The following ELN variants were observed in gnomAD, a reference collection of about 807,000 sequenced individuals.
ELN encodes elastin, also known as tropoelastin.
ELN carries 65 observed loss-of-function variants against 105.8 expected under a neutral mutation model. The observed-to-expected ratio is 0.61, with a 90% CI of 0.50 to 0.75. The LOEUF is 0.75. Ranked by LOEUF, ELN falls within the 30% of genes least tolerant of loss-of-function variation. The pLI, the probability that ELN is intolerant of heterozygous loss-of-function variation, is 0.00. For missense variants in ELN, 882 were observed against 969.4 expected (o/e 0.91, Z 1.20); for synonymous variants, 368 against 389.2 (o/e 0.95, Z 0.64).
chr7:74,039,317 C>T (rs538854067), intron 4 of ELN, among the ~76,000 whole-genome samples: 1 of 152,316 alleles, frequency 6.6e-6, no homozygotes, highest in Non-Finnish European at 1.5e-5. Context: ...GCATCTCCTT[C>T]TGATAAAAAG....
rs11760714 is a variant in ELN at position 74,068,371 on chromosome 7, A to G, written c.2132-286A>G. On this transcript the variant is annotated intron_variant, in intron 32 of 32. Transcript: ENST00000252034. ...CCCGAAAGGCTTCTTGGAGCAGTGGAGCCAGGAGCCAGTGCCAGGCCCCGT... is the reference window on the plus strand; with the variant it reads ...CCCGAAAGGCTTCTTGGAGCAGTGGGGCCAGGAGCCAGTGCCAGGCCCCGT... Among the ~76,000 whole-genome samples the G allele has an allele frequency of 0.12, 17,646 of 152,206 alleles. 1,042 individuals are homozygous for G. Among genetic ancestry groups the G allele is most frequent in the African/African-American group, 0.13 (5,496 of 41,538 alleles).
At chr7:74,042,924 C>A in intron 6 of ELN, 60 bp from the exon 7 acceptor site, 1 of 1,612,974 alleles carries the variant, frequency 6.2e-7, no homozygotes, top group Non-Finnish European at 8.5e-7. Flanking sequence ...CATGCAGCCC[C>A]GGGCCCTTCT....
intron 19 of ELN, 103 bp from the exon 20 acceptor site, chr7:74,056,167 TG>T (rs1440170373): frequency 2.0e-6 from 3 of 1,478,986 alleles, no homozygotes; most frequent in Non-Finnish European, 1.9e-6. Flanking sequence ...GGACAAGGCC[TG>T]GGGGAAATTT....
intron 10 of ELN, among the ~76,000 whole-genome samples, chr7:74,045,524 A>G (rs1452097739): frequency 2.0e-5 from 3 of 152,108 alleles, no homozygotes; most frequent in Admixed American, 2.0e-4. Flanking sequence ...GGATCGCTTG[A>G]GCCCAGGAGT....
At chr7:74,068,293 C>G (rs782477164) in intron 32 of ELN, among the ~76,000 whole-genome samples, 92 of 152,230 alleles carry the variant, frequency 6.0e-4, no homozygotes, top group Admixed American at 1.3e-3. Flanking sequence ...CTCCTGCAGA[C>G]ACTGACTCTC....
chr7:74,057,588 C>T, intron 21 of ELN, 52 bp from the exon 22 acceptor site: 1 of 1,608,420 alleles, frequency 6.2e-7, no homozygotes, highest in Middle Eastern at 1.7e-4. Context: ...AGATGGGAAG[C>T]AGGGAGGGGT....
rs541239396 is a variant in ELN, at chr7:74,046,499, C to T, written c.572-197C>T. ...CCAGGCCCCAGGAGGGAGAGAATCC[C>T]GTAGCTTCCTGGAGGAAGTGGCCTG... On this transcript the variant is annotated intron_variant, in intron 11 of 32. Coordinates refer to ENST00000252034, the MANE Select transcript of ELN (RefSeq NM_000501.4). Among the ~76,000 whole-genome samples the T allele has an allele frequency of 4.6e-5, 7 of 152,374 alleles. No homozygotes were observed. The East Asian group carries it at 1.3e-3, about 29-fold the overall frequency.
intron 29 of ELN, among the ~76,000 whole-genome samples, chr7:74,064,442 A>ATATATATG (rs1554687768): frequency 6.9e-6 from 1 of 145,912 alleles, no homozygotes; most frequent in Admixed American, 6.9e-5. Flanking sequence ...ATATATATAT[A>ATATATATG]TATGTATGTA....
At chr7:74,055,466 A>AT (rs1245890009) in intron 19 of ELN, among the ~76,000 whole-genome samples, 12 of 151,320 alleles carry the variant, frequency 7.9e-5, no homozygotes, top group Non-Finnish European at 1.2e-4. Flanking sequence ...AAAAATTTTA[A>AT]TTTTTTTTTC....
In ELN at chr7:74,063,835, G is replaced by C. The variant is rs1360622606; in HGVS notation, c.1993+140G>C. 5 of 1,175,468 alleles carry C rather than the reference G, an allele frequency of 4.3e-6. No homozygotes were observed. The highest frequency in any genetic ancestry group is 6.2e-6 in the Non-Finnish European group (5 of 804,172). 72.8% of individuals were successfully genotyped at this position (1,175,468 alleles called of 1,614,324 possible). On this transcript the variant is annotated intron_variant, in intron 29 of 32. Coordinates refer to ENST00000252034, the MANE Select transcript of ELN (RefSeq NM_000501.4). This position sits in a 1 kb window ranked among gnomAD's most constrained non-coding sequence, Gnocchi z 4.1. Reference sequence around the variant, plus strand: ...GATGTCCTCTTGGCCAGGTGCGGTGGCTCACGCCTGCAATCCCAGCACTCT... The same window carrying C: ...GATGTCCTCTTGGCCAGGTGCGGTGCCTCACGCCTGCAATCCCAGCACTCT...
At chr7:74,058,701 C>T (rs1411175017) in intron 22 of ELN, among the ~76,000 whole-genome samples, 1 of 152,090 alleles carries the variant, frequency 6.6e-6, no homozygotes, top group African/African-American at 2.4e-5. Context: ...TGAGGGCCAC[C>T]CTGGCAGCCC....
intron 1 of ELN, among the ~76,000 whole-genome samples, chr7:74,030,085 G>A (rs1788330901): frequency 6.6e-6 from 1 of 152,246 alleles, no homozygotes; most frequent in Admixed American, 6.5e-5. Context: ...ACACTTTGCA[G>A]AGATCAATCT....
chr7:74,055,354 T>C (rs1396656736), intron 19 of ELN, among the ~76,000 whole-genome samples: 3 of 151,870 alleles, frequency 2.0e-5, no homozygotes, highest in African/African-American at 2.4e-5. Flanking sequence ...GGCAGGAGGA[T>C]TGCTTGAGGC....
chr7:74,044,004 G>A, intron 9 of ELN, 84 bp downstream of exon 9: 1 of 1,556,168 alleles, frequency 6.4e-7, no homozygotes, highest in South Asian at 1.1e-5. Flanking sequence ...CCATTGCTTT[G>A]GGAGACTGAG....
chr7:74,028,626 C>G (rs1325807651), intron 1 of ELN, among the ~76,000 whole-genome samples: 1 of 152,160 alleles, frequency 6.6e-6, no homozygotes, highest in South Asian at 2.1e-4. Context: ...GGAGACACCA[C>G]AGTCTGCACA....
intron 6 of ELN, 64 bp downstream of exon 6, chr7:74,042,770 A>C: frequency 6.3e-7 from 1 of 1,592,716 alleles, no homozygotes; most frequent in Non-Finnish European, 8.6e-7. Context: ...TCCGCTTTGC[A>C]AAGAACCTTC....
intron 2 of ELN, chr7:74,035,647 A>T (rs1412055592): frequency 1.6e-6 from 1 of 614,332 alleles, no homozygotes; most frequent in East Asian, 3.0e-5. Context: ...AGAAACAAGG[A>T]TTGCTTGAGG....
intron 18 of ELN, among the ~76,000 whole-genome samples, chr7:74,054,259 G>C (rs1794771742): frequency 6.6e-6 from 1 of 152,118 alleles, no homozygotes; most frequent in Non-Finnish European, 1.5e-5. Flanking sequence ...CCTGAGGTGA[G>C]GAGTTCGAGA....
In ELN at chr7:74,060,441, G is replaced by A. The variant is rs1554683574; in HGVS notation, c.1687G>A (p.Gly563Arg). Residue 563 changes from glycine (G) to arginine (R), a missense_variant, in exon 25 of 33, where the codon GGA (glycine) becomes AGA (arginine). Physicochemically the swap from Gly to Arg is moderately radical, Grantham distance 125. Coordinates refer to ENST00000252034, the MANE Select transcript of ELN (RefSeq NM_000501.4). ...LGVGVGVPGL[G>R]VGAGVPGLGV... Reference sequence around the variant, plus strand: ...AGTTGGTGTCGGCGTCCCTGGACTTGGAGTTGGTGCTGGTGTTCCTGGACT... The same window carrying A: ...AGTTGGTGTCGGCGTCCCTGGACTTAGAGTTGGTGCTGGTGTTCCTGGACT... 1 of 1,613,782 alleles carries A rather than the reference G, an allele frequency of 6.2e-7. No individual in the cohort carries two copies.
Sources: gnomAD v4.1 joint callset for allele counts (sites outside exome capture counted in the v4.1 genomes callset) on GRCh38, gnomAD v4.1.1 for gene constraint, Gnocchi (gnomAD v3.1) non-coding constraint, MANE v1.5 for transcripts, NCBI Gene and HGNC (gene_info 2026-07-23, HGNC 2026-07-21) for gene names.